BHLHA15: variants seen among roughly 807,000 people sequenced by gnomAD.
The protein encoded by BHLHA15 is class A basic helix-loop-helix protein 15.
Under a neutral mutation model 10.4 loss-of-function variants are expected in BHLHA15, and 7 were observed. The ratio of observed to expected loss-of-function variants is 0.67; its 90% CI spans 0.38 to 1.26. The LOEUF is 1.26. Among genes scored for constraint, BHLHA15 ranks in the 50% most tolerant of loss-of-function variants. BHLHA15 has a pLI of 0.02. For missense variants in BHLHA15, 289 were observed against 287.4 expected (o/e 1.01, Z -0.04); for synonymous variants, 140 against 131.5 (o/e 1.06, Z -0.44).
At position 98,212,918 on chromosome 7, in the gene BHLHA15, C is replaced by G. The variant is rs1421533848; in HGVS notation, c.*39C>G. ...GTGGGGGTGGCGGTGGCCGCAGCTG[C>G]CTGGCCTGCTCCTCCCAGCCCCAGT... On this transcript the variant is annotated 3_prime_UTR_variant, in exon 2 of 2. Coordinates refer to ENST00000609256, the MANE Select transcript of BHLHA15 (RefSeq NM_177455.4). 14 of 1,495,538 alleles carry G rather than the reference C, an allele frequency of 9.4e-6. No homozygotes were observed. Among genetic ancestry groups the G allele is most frequent in the Non-Finnish European group, 1.2e-5 (14 of 1,128,282 alleles). The allele number at this position is 1,495,538 out of a possible 1,614,324, so 92.6% of individuals were successfully genotyped here. A position where few individuals can be genotyped will look rare whatever the true frequency, so the allele number is the denominator to read the frequency against.
chr7:98,211,902 G>A (rs1243673995), intron 1 of BHLHA15, among the ~76,000 whole-genome samples: 1 of 152,160 alleles, frequency 6.6e-6, no homozygotes, highest in Non-Finnish European at 1.5e-5. Flanking sequence ...TAGGGTGGGG[G>A]ACGCATTCTA....
At position 98,212,995 on chromosome 7, in the gene BHLHA15, C is replaced by A; in HGVS notation, c.*116C>A. ...GCGGTGACACCCCACAAGGACACGG[C>A]CTCAGCGGTTCCATTTTCCCCCGAA... On this transcript the variant is annotated 3_prime_UTR_variant, in exon 2 of 2. Coordinates refer to ENST00000609256, the MANE Select transcript of BHLHA15 (RefSeq NM_177455.4). 1 of 966,598 alleles carries A rather than the reference C, an allele frequency of 1.0e-6. No homozygotes were observed. Among genetic ancestry groups the A allele is most frequent in the Non-Finnish European group, 1.5e-6 (1 of 679,082 alleles). 59.9% of individuals were successfully genotyped at this position (966,598 alleles called of 1,614,324 possible). A position where few individuals can be genotyped will look rare whatever the true frequency, so the allele number is the denominator to read the frequency against.
In BHLHA15 at chr7:98,212,243, T is replaced by C; in HGVS notation, c.-54-13T>C. On this transcript the variant is annotated splice_polypyrimidine_tract_variant and intron_variant, in intron 1 of 1. Transcript: ENST00000609256. ...TGGGGTGACCACAGAGTGTCCTGTG[T>C]TCTGGATTTCAGCTCCAAGGGCCTC... 9 of 1,292,590 alleles carry C rather than the reference T, an allele frequency of 7.0e-6. No individual in the cohort carries two copies. The highest frequency in any genetic ancestry group is 8.9e-6 in the Non-Finnish European group (9 of 1,009,842). The allele number at this position is 1,292,590 out of a possible 1,614,324, so 80.1% of individuals were successfully genotyped here.
In BHLHA15 at chr7:98,213,530, G is replaced by A. The variant is rs1381746335; in HGVS notation, c.*651G>A. Among the ~76,000 whole-genome samples, 1 of 152,224 alleles carries A rather than the reference G, an allele frequency of 6.6e-6. No homozygotes were observed. Among genetic ancestry groups the A allele is most frequent in the Admixed American group, 6.5e-5 (1 of 15,284 alleles). ...TCTTCCTCCCTCCTCCCAAGTTGGG[G>A]CTCCTGGATGTGTTGACTCCAGGCT... On this transcript the variant is annotated 3_prime_UTR_variant, in exon 2 of 2. Coordinates refer to ENST00000609256, the MANE Select transcript of BHLHA15 (RefSeq NM_177455.4).
chr7:98,212,409 G>T lies in BHLHA15; in HGVS notation c.100G>T (p.Gly34Trp). 1 of 1,488,622 alleles carries T rather than the reference G, an allele frequency of 6.7e-7. No individual in the cohort carries two copies. The allele number at this position is 1,488,622 out of a possible 1,614,324, so 92.2% of individuals were successfully genotyped here. The change falls in exon 2 of 2, where the codon GGG (glycine) becomes TGG (tryptophan). Residue 34 changes from glycine to tryptophan, a missense_variant. Gly to Trp is a radical substitution (Grantham distance 184). Coordinates refer to ENST00000609256, the MANE Select transcript of BHLHA15 (RefSeq NM_177455.4). ...GTPDGSLPNP[G>W]PEPAKGLRSR... is the part of the protein sequence containing the mutation. ...GCCCGACGGGTCCCTGCCGAACCCGGGGCCAGAGCCGGCCAAGGGTCTGCG... is the reference window on the plus strand; with the variant it reads ...GCCCGACGGGTCCCTGCCGAACCCGTGGCCAGAGCCGGCCAAGGGTCTGCG...
In BHLHA15 at chr7:98,214,347, T is replaced by A. The variant is rs1393586996; in HGVS notation, c.*1468T>A. Among the ~76,000 whole-genome samples the A allele has an allele frequency of 1.3e-5, 2 of 152,346 alleles. No individual in the cohort carries two copies. The highest frequency in any genetic ancestry group is 2.4e-5 in the African/African-American group (1 of 41,580). On this transcript the variant is annotated 3_prime_UTR_variant, in exon 2 of 2. Coordinates refer to ENST00000609256, the MANE Select transcript of BHLHA15 (RefSeq NM_177455.4). ...CGATGAGACTTTGTCAGAGGCCTGG[T>A]CTGGTCCTGGCCCTACCGCCCCAGC...
rs1021589522 is a variant in BHLHA15, at chr7:98,213,769, C to T, written c.*890C>T. 3.3e-5 allele frequency among the ~76,000 whole-genome samples: 5 copies of T among 152,186 alleles called. No individual in the cohort carries two copies. Among genetic ancestry groups the T allele is most frequent in the Non-Finnish European group, 5.9e-5 (4 of 68,026 alleles). On this transcript the variant is annotated 3_prime_UTR_variant, in exon 2 of 2. Coordinates refer to ENST00000609256, the MANE Select transcript of BHLHA15 (RefSeq NM_177455.4). ...CCCCCCACCCAGCCCCTGCCACCGC[C>T]GTTACTTATTCTCACTGATGTGGGG...
rs1325027254 is a variant in BHLHA15 at position 98,212,957 on chromosome 7, G to T, written c.*78G>T. On this transcript the variant is annotated 3_prime_UTR_variant, in exon 2 of 2. Coordinates refer to ENST00000609256, the MANE Select transcript of BHLHA15 (RefSeq NM_177455.4). ...CCCAGCCCCAGTCCCTCCAAGCCAC[G>T]AGCCCCAGATGGGCGGTGACACCCC... is the stretch of plus-strand genomic sequence containing the variant. 1.5e-6 allele frequency: 2 copies of T among 1,368,630 alleles called. No individual in the cohort carries two copies. Among genetic ancestry groups the T allele is most frequent in the East Asian group, 2.6e-5 (1 of 38,054 alleles). 84.8% of individuals were successfully genotyped at this position (1,368,630 alleles called of 1,614,324 possible).
In BHLHA15 at chr7:98,212,414, A is replaced by G; in HGVS notation, c.105A>G (p.Pro35=). 2.7e-6 allele frequency: 4 copies of G among 1,492,442 alleles called. No homozygotes were observed. The highest frequency in any genetic ancestry group is 3.6e-6 in the Non-Finnish European group (4 of 1,122,562). The allele number at this position is 1,492,442 out of a possible 1,614,324, so 92.4% of individuals were successfully genotyped here. A position where few individuals can be genotyped will look rare whatever the true frequency, so the allele number is the denominator to read the frequency against. Residue 35 remains proline, a synonymous_variant, in exon 2 of 2, where the codon CCA becomes CCG. Transcript: ENST00000609256. ...TPDGSLPNPG[P]EPAKGLRSRP... is the part of the protein sequence containing the mutation. ...ACGGGTCCCTGCCGAACCCGGGGCCAGAGCCGGCCAAGGGTCTGCGGAGCC... is the reference window on the plus strand; with the variant it reads ...ACGGGTCCCTGCCGAACCCGGGGCCGGAGCCGGCCAAGGGTCTGCGGAGCC...
chr7:98,211,598 C>T (rs367601592), intron 1 of BHLHA15, 100 bp downstream of exon 1: 1 of 152,036 alleles, frequency 6.6e-6, no homozygotes, highest in African/African-American at 2.4e-5. Context: ...TGTGGGGAAA[C>T]CCGGGTGGGG....
At position 98,212,375 on chromosome 7, in the gene BHLHA15, G is replaced by A. The variant is rs192139346; in HGVS notation, c.66G>A (p.Gly22=). Reference sequence around the variant, plus strand: ...TGCAGGACACAGAGGCCACCCCCGGGGAGGGGACGCCCGACGGGTCCCTGC... The same window carrying A: ...TGCAGGACACAGAGGCCACCCCCGGAGAGGGGACGCCCGACGGGTCCCTGC... ...APVQDTEATP[G]EGTPDGSLPN... Residue 22 remains glycine, a synonymous_variant, in exon 2 of 2, where the codon GGG becomes GGA. Transcript: ENST00000609256. The A allele has an allele frequency of 1.8e-3, 2,529 of 1,437,874 alleles. 5 individuals carry two copies. Among genetic ancestry groups the A allele is most frequent in the Admixed American group, 2.6e-3 (83 of 31,408 alleles). 89.1% of individuals were successfully genotyped at this position (1,437,874 alleles called of 1,614,324 possible). A position where few individuals can be genotyped will look rare whatever the true frequency, so the allele number is the denominator to read the frequency against.
Position 98,213,903 on chromosome 7 carries a change from G to A in BHLHA15, c.*1024G>A, listed in dbSNP as rs1797945423. Among the ~76,000 whole-genome samples, 1 of 152,162 alleles carries A rather than the reference G, an allele frequency of 6.6e-6. No individual in the cohort carries two copies. The highest frequency in any genetic ancestry group is 1.5e-5 in the Non-Finnish European group (1 of 68,016). ...CTCTGCCTGGTGGAGCCTTGGGGTG[G>A]CAGGTACGTCCCTTCCCCCGCCCAG... On this transcript the variant is annotated 3_prime_UTR_variant, in exon 2 of 2. Coordinates refer to ENST00000609256, the MANE Select transcript of BHLHA15 (RefSeq NM_177455.4).
rs750704418 is a variant in BHLHA15, at chr7:98,212,502, G to A, written c.193G>A (p.Gly65Arg). ...CAGGCGCAGGCGGCCAGGACCCTCC[G>A]GGCCCGGTGGCCGTCGTGACAGCAG... ...EGRRRRPGPS[G>R]PGGRRDSSIQ... Residue 65 changes from glycine to arginine, a missense_variant, in exon 2 of 2, where the codon GGG (glycine) becomes AGG (arginine). By Grantham distance (125) the Gly-to-Arg change is moderately radical. Transcript: ENST00000609256. 41 of 1,569,898 alleles carry A rather than the reference G, an allele frequency of 2.6e-5. No individual in the cohort carries two copies. Among genetic ancestry groups the A allele is most frequent in the South Asian group, 1.6e-4 (14 of 85,664 alleles).
Position 98,212,767 on chromosome 7 carries a change from A to G in BHLHA15, c.458A>G (p.Tyr153Cys). 1 of 1,551,406 alleles carries G rather than the reference A, an allele frequency of 6.4e-7. No individual in the cohort carries two copies. The highest frequency in any genetic ancestry group is 2.4e-5 in the East Asian group (1 of 41,552). Residue 153 changes from tyrosine to cysteine, a missense_variant, in exon 2 of 2, where the codon TAC (tyrosine) becomes TGC (cysteine). Tyr to Cys is a radical substitution (Grantham distance 194, BLOSUM62 -2). Coordinates refer to ENST00000609256, the MANE Select transcript of BHLHA15 (RefSeq NM_177455.4). ...EGPGPKLYQH[Y>C]QQQQQVAGGA... ...CCGGGCCCCAAGCTCTACCAGCACT[A>G]CCAGCAGCAGCAGCAGGTGGCTGGG...
Position 98,212,334 on chromosome 7 carries a change from C to T in BHLHA15, c.25C>T (p.Arg9Trp), listed in dbSNP as rs368765854. 140 of 1,376,320 alleles carry T rather than the reference C, an allele frequency of 1.0e-4. No individual in the cohort carries two copies. The highest frequency in any genetic ancestry group is 7.8e-5 in the Admixed American group (2 of 25,672). The allele number at this position is 1,376,320 out of a possible 1,614,324, so 85.3% of individuals were successfully genotyped here. A position where few individuals can be genotyped will look rare whatever the true frequency, so the allele number is the denominator to read the frequency against. The part of the protein sequence containing the change: MKTKNRPP[R>W]RRAPVQDTEA... ...CATGAAGACCAAGAACCGGCCCCCA[C>T]GGCGCCGGGCCCCGGTGCAGGACAC... The change falls in exon 2 of 2, where the codon CGG becomes TGG. Residue 9 changes from arginine (R) to tryptophan (W), a missense_variant. Arg to Trp is a moderately radical substitution (Grantham distance 101, BLOSUM62 -3). Coordinates refer to ENST00000609256, the MANE Select transcript of BHLHA15 (RefSeq NM_177455.4).
chr7:98,212,393 G>T lies in BHLHA15; in HGVS notation c.84G>T (p.Gly28=). 6.8e-7 allele frequency: 1 copy of T among 1,472,288 alleles called. No individual in the cohort carries two copies. Among genetic ancestry groups the T allele is most frequent in the Non-Finnish European group, 9.0e-7 (1 of 1,113,486 alleles). 91.2% of individuals were successfully genotyped at this position (1,472,288 alleles called of 1,614,324 possible). The change falls in exon 2 of 2, where the codon GGG becomes GGT. Residue 28 remains glycine, a synonymous_variant. Coordinates refer to ENST00000609256, the MANE Select transcript of BHLHA15 (RefSeq NM_177455.4). ...EATPGEGTPD[G]SLPNPGPEPA... is the part of the protein sequence containing the mutation. ...CCCCCGGGGAGGGGACGCCCGACGG[G>T]TCCCTGCCGAACCCGGGGCCAGAGC...
At position 98,212,837 on chromosome 7, in the gene BHLHA15, G is replaced by C; in HGVS notation, c.528G>C (p.Gln176His). The C allele has an allele frequency of 1.3e-6, 2 of 1,551,712 alleles. No homozygotes were observed. Among genetic ancestry groups the C allele is most frequent in the East Asian group, 2.4e-5 (1 of 41,722 alleles). ...AGGCCCAGCCCCAGGGCCACCTGCA[G>C]AGGTACTCCACGCAGATCCACAGCT... ...ATEAQPQGHLQRYSTQIHSFR... is the reference protein window; with the variant it reads ...ATEAQPQGHLHRYSTQIHSFR... The change falls in exon 2 of 2, where the codon CAG (glutamine) becomes CAC (histidine). Residue 176 changes from glutamine to histidine, a missense_variant. Transcript: ENST00000609256.
In BHLHA15 at chr7:98,214,577, G is replaced by C. The variant is rs764106761; in HGVS notation, c.*1698G>C. Reference sequence around the variant, plus strand: ...AGATGACAGAGACCTCCCCGGCGGGGGTACTCAGGTGCTACGAACATGGCA... The same window carrying C: ...AGATGACAGAGACCTCCCCGGCGGGCGTACTCAGGTGCTACGAACATGGCA... On this transcript the variant is annotated 3_prime_UTR_variant, in exon 2 of 2. Coordinates refer to ENST00000609256, the MANE Select transcript of BHLHA15 (RefSeq NM_177455.4). 6.6e-6 allele frequency: 1 copy of C among 152,256 alleles called. No homozygotes were observed. The highest frequency in any genetic ancestry group is 1.5e-5 in the Non-Finnish European group (1 of 68,080). The allele number at this position is 152,256 out of a possible 1,614,324, so 9.4% of individuals were successfully genotyped here. A position where few individuals can be genotyped will look rare whatever the true frequency, so the allele number is the denominator to read the frequency against.
In BHLHA15 at chr7:98,213,609, A is replaced by T. The variant is rs1461046916; in HGVS notation, c.*730A>T. ...GGTGTGAGGGGTGCTGTGGAACTGG[A>T]GCAGGAGACAGGGCTGGGTGTTCCT... On this transcript the variant is annotated 3_prime_UTR_variant, in exon 2 of 2. Transcript: ENST00000609256. Among the ~76,000 whole-genome samples the T allele has an allele frequency of 6.6e-6, 1 of 151,988 alleles. No individual in the cohort carries two copies. Among genetic ancestry groups the T allele is most frequent in the African/African-American group, 2.4e-5 (1 of 41,380 alleles).
Sources: gnomAD v4.1 joint callset for allele counts (sites outside exome capture counted in the v4.1 genomes callset) on GRCh38, gnomAD v4.1.1 for gene constraint, MANE v1.5 for transcripts, NCBI Gene and HGNC (gene_info 2026-07-23, HGNC 2026-07-21) for gene names.